Variants in ZSCAN32 observed in about 807,000 individuals in gnomAD.
ZSCAN32 encodes the protein zinc finger and SCAN domain-containing protein 32.
ZSCAN32 carries 52 observed loss-of-function variants against 47.4 expected under a neutral mutation model. That is an observed-to-expected ratio of 1.10 (90% CI 0.88 to 1.38). The LOEUF (loss-of-function observed/expected upper bound fraction) is 1.38. ZSCAN32 is among the 40% of genes most tolerant of loss of function. The probability of loss-of-function intolerance (pLI) is 0.00; values close to 1 mark genes in which losing one functional copy is unlikely to be tolerated. For missense variants in ZSCAN32, 959 were observed against 846.0 expected, an observed-to-expected ratio of 1.13 and a Z score of -1.66; for synonymous variants, 346 against 305.7, an observed-to-expected ratio of 1.13 and a Z score of -1.38.
Position 3,390,438 on chromosome 16 carries a change from C to G in ZSCAN32, c.612G>C (p.Trp204Cys). 1 of 1,550,196 alleles carries G rather than the reference C, an allele frequency of 6.5e-7. No individual in the cohort carries two copies. The highest frequency in any genetic ancestry group is 8.7e-7 in the Non-Finnish European group (1 of 1,146,900). Residue 204 changes from tryptophan (W) to cysteine (C), a missense_variant, in exon 4 of 7, where the codon TGG becomes TGC. Coordinates refer to ENST00000396852, the MANE Select transcript of ZSCAN32 (RefSeq NM_001284527.2). ...CACAGCTCACCTGGGACCCAGCTGTCCAGACCACAGCACCTGTCTCCTGGT... is the reference window on the plus strand; with the variant it reads ...CACAGCTCACCTGGGACCCAGCTGTGCAGACCACAGCACCTGTCTCCTGGT... ...LHDQETGAVV[W>C]TAGSQGPAMR...
intron 5 of ZSCAN32, among the ~76,000 whole-genome samples, chr16:3,388,806 G>A (rs966130703): frequency 2.6e-5 from 4 of 152,188 alleles, no homozygotes; most frequent in African/African-American, 9.6e-5. Context: ...TCAATCCACA[G>A]AGACAGAATG....
intron 5 of ZSCAN32, among the ~76,000 whole-genome samples, chr16:3,387,273 G>C (rs1395467543): frequency 6.6e-6 from 1 of 152,176 alleles, no homozygotes; most frequent in African/African-American, 2.4e-5. Flanking sequence ...CTCAAGGAAA[G>C]CAAAGATTCA....
At chr16:3,394,924 T>C (rs183386364) in intron 2 of ZSCAN32, among the ~76,000 whole-genome samples, 27 of 152,332 alleles carry the variant, frequency 1.8e-4, no homozygotes, top group Admixed American at 3.9e-4. Flanking sequence ...AGAGAAGTCC[T>C]GCCTCACAGC....
intron 3 of ZSCAN32, 130 bp downstream of exon 3, chr16:3,393,519 C>T: frequency 1.1e-6 from 1 of 918,308 alleles, no homozygotes; most frequent in Non-Finnish European, 1.5e-6. Context: ...GCCAACACGC[C>T]CTGCCGGTTT....
intron 5 of ZSCAN32, among the ~76,000 whole-genome samples, chr16:3,389,128 C>T (rs1352793502): frequency 6.6e-6 from 1 of 152,198 alleles, no homozygotes; most frequent in African/African-American, 2.4e-5. Flanking sequence ...TACTCTCCTG[C>T]AACTGGACAG....
chr16:3,384,683 G>A lies in ZSCAN32; in HGVS notation c.1010C>T (p.Ala337Val). 6.2e-7 allele frequency: 1 copy of A among 1,614,186 alleles called. No homozygotes were observed. The highest frequency in any genetic ancestry group is 8.5e-7 in the Non-Finnish European group (1 of 1,180,042). Residue 337 changes from alanine to valine, a missense_variant, in exon 6 of 7, where the codon GCT becomes GTT. Ala to Val is a moderately conservative substitution (Grantham distance 64). Transcript: ENST00000396852. ...TGCAGAGGCCCAGGAGCCTGAAAGA[G>A]CATTCATTTCCTCATAAAAGATACA... The part of the protein sequence containing the change: ...EPCIFYEEMN[A>V]LSGSWASAPP...
Position 3,390,521 on chromosome 16 carries a change from G to A in ZSCAN32, c.533-4C>T, listed in dbSNP as rs1350406831. 2.6e-6 allele frequency: 4 copies of A among 1,547,968 alleles called. No homozygotes were observed. Among genetic ancestry groups the A allele is most frequent in the Non-Finnish European group, 3.5e-6 (4 of 1,146,488 alleles). ...GGAGCCTGAGGAGCAAGCCAGGCTG[G>A]GGGAAAAAACAGCCGCTATTAGAGG... On this transcript the variant is annotated splice_region_variant and splice_polypyrimidine_tract_variant and intron_variant, in intron 3 of 6. Transcript: ENST00000396852.
rs189562749 is a variant in ZSCAN32 at position 3,383,329 on chromosome 16, A to T, written c.1617T>A (p.His539Gln). 6.2e-7 allele frequency: 1 copy of T among 1,614,052 alleles called. No homozygotes were observed. The highest frequency in any genetic ancestry group is 1.3e-5 in the African/African-American group (1 of 74,910). The change falls in exon 7 of 7, where the codon CAT becomes CAA. Residue 539 changes from histidine (H) to glutamine (Q), a missense_variant. Transcript: ENST00000396852. The part of the protein sequence containing the change: ...TFSRSSYLVR[H>Q]QRIHTGEKPH... ...GCTTCTCGCCTGTGTGGATTCTTTGATGCCGAACAAGATAAGAACTTCGGC... is the reference window on the plus strand; with the variant it reads ...GCTTCTCGCCTGTGTGGATTCTTTGTTGCCGAACAAGATAAGAACTTCGGC...
At chr16:3,399,568 T>G (rs1488404443) in intron 1 of ZSCAN32, among the ~76,000 whole-genome samples, 1 of 152,108 alleles carries the variant, frequency 6.6e-6, no homozygotes, top group African/African-American at 2.4e-5. Flanking sequence ...AAAAATAGTT[T>G]TATATAATTT....
At chr16:3,399,780 A>AT in intron 1 of ZSCAN32, among the ~76,000 whole-genome samples, 1 of 148,570 alleles carries the variant, frequency 6.7e-6, no homozygotes, top group South Asian at 2.1e-4. Context: ...TAACTTTTGT[A>AT]TTTTTTGTAG....
At chr16:3,392,459 C>T (rs111377223) in intron 3 of ZSCAN32, among the ~76,000 whole-genome samples, 6,007 of 151,642 alleles carry the variant, frequency 0.04, 380 homozygotes, top group African/African-American at 0.14. Flanking sequence ...GCTATCCTCC[C>T]GCTTCAGCCT....
At chr16:3,386,687 G>A (rs27728) in intron 5 of ZSCAN32, among the ~76,000 whole-genome samples, 119,606 of 151,986 alleles carry the variant, frequency 0.79, 47,136 homozygotes, top group Admixed American at 0.82. Flanking sequence ...AAACTATTGC[G>A]AGGACAAAAA....
chr16:3,396,655 A>C (rs1200638565), intron 2 of ZSCAN32, among the ~76,000 whole-genome samples: 1 of 152,160 alleles, frequency 6.6e-6, no homozygotes, highest in Non-Finnish European at 1.5e-5. Context: ...CCCTGCTCCA[A>C]GAAAATATAA....
intron 3 of ZSCAN32, 94 bp downstream of exon 3, chr16:3,393,555 T>A (rs2033068034): frequency 1.6e-6 from 2 of 1,282,570 alleles, no homozygotes; most frequent in East Asian, 5.3e-5. Context: ...AGGCATTTAG[T>A]CTGGAACCCT....
intron 2 of ZSCAN32, 120 bp from the exon 3 acceptor site, chr16:3,393,934 C>A: frequency 1.3e-6 from 1 of 789,096 alleles, no homozygotes; most frequent in South Asian, 2.6e-5. Flanking sequence ...AATCTAGGAG[C>A]CACTGTATTG....
rs369445206 is a variant in ZSCAN32, at chr16:3,383,714, G to GAAA, written c.1235-6_1235-4dup. On this transcript the variant is annotated splice_region_variant and splice_polypyrimidine_tract_variant and intron_variant, in intron 6 of 6. Coordinates refer to ENST00000396852, the MANE Select transcript of ZSCAN32 (RefSeq NM_001284527.2). Reference sequence around the variant, plus strand: ...AATCTCGTTCTTGAACTCAAAACCTGAAAAAAAAAAACCCCACAGAAATAC... The same window carrying GAAA: ...AATCTCGTTCTTGAACTCAAAACCTGAAAAAAAAAAAAAACCCCACAGAAATAC... 30 of 1,218,804 alleles carry GAAA rather than the reference G, an allele frequency of 2.5e-5. No individual in the cohort carries two copies. In the African/African-American group the frequency reaches 3.7e-4, roughly 15 times the overall value. 75.5% of individuals were successfully genotyped at this position (1,218,804 alleles called of 1,614,324 possible). A position where few individuals can be genotyped will look rare whatever the true frequency, so the allele number is the denominator to read the frequency against.
rs764437668 is a variant in ZSCAN32 at position 3,383,230 on chromosome 16, T to C, written c.1716A>G (p.Thr572=). ...SNLTAHLRTH[T]GERPYQCGQC... ...GCCCACACTGATAGGGCCTCTCCCC[T>C]GTGTGAGTTCGTAGGTGGGCAGTGA... The change falls in exon 7 of 7, where the codon ACA becomes ACG. Residue 572 remains threonine (T), a synonymous_variant. Transcript: ENST00000396852. The C allele has an allele frequency of 2.5e-6, 4 of 1,613,996 alleles. No homozygotes were observed. The highest frequency in any genetic ancestry group is 4.5e-5 in the East Asian group (2 of 44,890).
At chr16:3,396,682 A>G (rs992916845) in intron 2 of ZSCAN32, among the ~76,000 whole-genome samples, 1 of 152,210 alleles carries the variant, frequency 6.6e-6, no homozygotes, top group African/African-American at 2.4e-5. Context: ...TACACCAATC[A>G]GATCTCAGAC....
At chr16:3,398,304 C>T (rs1003078023) in intron 1 of ZSCAN32, among the ~76,000 whole-genome samples, 3 of 152,100 alleles carry the variant, frequency 2.0e-5, no homozygotes, top group Non-Finnish European at 4.4e-5. Context: ...CCAGGGACTC[C>T]TCTGTGGCTC....
Sources: gnomAD v4.1 joint callset for allele counts (sites outside exome capture counted in the v4.1 genomes callset) on GRCh38, gnomAD v4.1.1 for gene constraint, MANE v1.5 for transcripts, NCBI Gene and HGNC (gene_info 2026-07-23, HGNC 2026-07-21) for gene names.